Variants in CNOT4 observed in about 807,000 individuals in gnomAD.
CNOT4 encodes the protein CCR4-NOT transcription complex subunit 4.
In CNOT4, 8 loss-of-function variants were observed where a neutral mutation model predicts 73.8. That is an observed-to-expected ratio of 0.11 (90% CI 0.06 to 0.20). CNOT4 has a LOEUF of 0.20. CNOT4 is among the 10% of genes least tolerant of loss of function. The pLI is 1.00. For synonymous variants in CNOT4, 293 were observed against 321.1 expected, an observed-to-expected ratio of 0.91 and a Z score of 0.94; for missense variants, 564 against 883.4, an observed-to-expected ratio of 0.64 and a Z score of 4.58.
rs186105694 is a variant in CNOT4 at position 135,368,486 on chromosome 7, T to C, written c.1628-4420A>G. The stretch of plus-strand genomic sequence containing the variant: ...TAGACAGTGGGACAATGAAAATAAA[T>C]GAAAAGTTCAACAACTACATCTGAA... On this transcript the variant is annotated intron_variant, in intron 10 of 11. Transcript: ENST00000541284. Among the ~76,000 whole-genome samples, 1,137 of 152,210 alleles carry C rather than the reference T, an allele frequency of 7.5e-3. 8 individuals carry two copies. Among genetic ancestry groups the C allele is most frequent in the Non-Finnish European group, 0.012 (832 of 68,004 alleles).
At chr7:135,368,040 C>T (rs993430556) in intron 10 of CNOT4, among the ~76,000 whole-genome samples, 1 of 151,908 alleles carries the variant, frequency 6.6e-6, no homozygotes, top group African/African-American at 2.4e-5. Context: ...AATTTGAGGG[C>T]AGGAAAGGGG....
intron 1 of CNOT4, among the ~76,000 whole-genome samples, chr7:135,487,829 G>A (rs1216578994): frequency 2.6e-5 from 4 of 152,114 alleles, no homozygotes; most frequent in Admixed American, 6.6e-5. Context: ...CAAGGCAGGC[G>A]GATCACGAGG....
At chr7:135,408,300 C>T (rs1797405463) in intron 7 of CNOT4, among the ~76,000 whole-genome samples, 1 of 152,014 alleles carries the variant, frequency 6.6e-6, no homozygotes, top group Admixed American at 6.6e-5. Flanking sequence ...TAGTGAAATA[C>T]TACATAGCCA....
intron 10 of CNOT4, among the ~76,000 whole-genome samples, chr7:135,378,386 C>T (rs1006624010): frequency 6.6e-6 from 1 of 152,034 alleles, no homozygotes; most frequent in Non-Finnish European, 1.5e-5. Context: ...TGCCTGTAAT[C>T]CCAGCTATTT....
chr7:135,387,245 A>G (rs1338864135), intron 10 of CNOT4: 2 of 984,854 alleles, frequency 2.0e-6, no homozygotes, highest in Non-Finnish European at 2.4e-6. Context: ...GAAATTAGAG[A>G]TTGATGTTTA....
At chr7:135,383,804 T>TC (rs1795968316) in intron 10 of CNOT4, among the ~76,000 whole-genome samples, 1 of 152,188 alleles carries the variant, frequency 6.6e-6, no homozygotes, top group African/African-American at 2.4e-5. Flanking sequence ...CTAAAATCAT[T>TC]CAACTCCCTT....
intron 2 of CNOT4, among the ~76,000 whole-genome samples, chr7:135,429,000 C>A (rs1338883092): frequency 6.6e-6 from 1 of 152,142 alleles, no homozygotes; most frequent in African/African-American, 2.4e-5. Context: ...CACATACACA[C>A]ACACATCTTG....
intron 1 of CNOT4, among the ~76,000 whole-genome samples, chr7:135,453,027 GA>G (rs35042483): frequency 6.6e-6 from 1 of 152,102 alleles, no homozygotes; most frequent in Non-Finnish European, 1.5e-5. Flanking sequence ...TTATTTGGGG[GA>G]AAAAGTATCT....
At chr7:135,397,436 AT>A (rs1352772268) in intron 8 of CNOT4, among the ~76,000 whole-genome samples, 1 of 152,174 alleles carries the variant, frequency 6.6e-6, no homozygotes, top group Non-Finnish European at 1.5e-5. Flanking sequence ...AGATTTCCAC[AT>A]TCTTTTACAA....
At chr7:135,483,252 T>C (rs113200552) in intron 1 of CNOT4, among the ~76,000 whole-genome samples, 3,031 of 151,338 alleles carry the variant, frequency 0.02, 111 homozygotes, top group African/African-American at 0.07. Flanking sequence ...GTGGGAAGAT[T>C]GCTTGATCCC....
At chr7:135,375,556 A>G (rs960889733) in intron 10 of CNOT4, among the ~76,000 whole-genome samples, 2 of 152,202 alleles carry the variant, frequency 1.3e-5, no homozygotes, top group Non-Finnish European at 2.9e-5. Flanking sequence ...AGATTTACCA[A>G]TATTTATATA....
At chr7:135,466,894 G>A (rs954366876) in intron 1 of CNOT4, among the ~76,000 whole-genome samples, 3 of 152,182 alleles carry the variant, frequency 2.0e-5, no homozygotes, top group African/African-American at 7.2e-5. Flanking sequence ...ACAGTAGGCT[G>A]CACCATCTAG....
Position 135,422,205 on chromosome 7 carries a change from T to C in CNOT4, c.323A>G (p.Lys108Arg). ...TAAACCTACAACAAAGACGAGGTTT[T>C]TTTGTACGACACGTACACTAGCCAA... The part of the protein sequence containing the change: ...KHLASVRVVQ[K>R]NLVFVVGLSQ... The change falls in exon 3 of 12, where the codon AAA becomes AGA. Residue 108 changes from lysine to arginine, a missense_variant. Around this residue, in one of 10 missense-constraint regions of CNOT4, gnomAD observed 76 missense variants for 208.7 expected, o/e 0.36. Coordinates refer to ENST00000541284, the MANE Select transcript of CNOT4 (RefSeq NM_001190850.2). The C allele has an allele frequency of 1.2e-6, 2 of 1,612,872 alleles. No homozygotes were observed. The highest frequency in any genetic ancestry group is 1.3e-5 in the African/African-American group (1 of 75,000).
At chr7:135,474,196 T>C (rs901514377) in intron 1 of CNOT4, among the ~76,000 whole-genome samples, 75 of 151,666 alleles carry the variant, frequency 4.9e-4, no homozygotes, top group Non-Finnish European at 9.6e-4. Context: ...GCCAGGCTGG[T>C]CTTGAACTCT....
At chr7:135,370,798 T>G (rs1222729842) in intron 10 of CNOT4, among the ~76,000 whole-genome samples, 1 of 152,220 alleles carries the variant, frequency 6.6e-6, no homozygotes, top group Non-Finnish European at 1.5e-5. Flanking sequence ...GCTTTCTGAA[T>G]GCAGGAGGAG....
intron 1 of CNOT4, among the ~76,000 whole-genome samples, chr7:135,441,522 T>A (rs958534050): frequency 1.3e-5 from 2 of 152,150 alleles, no homozygotes; most frequent in African/African-American, 4.8e-5. Context: ...CCCAAAACTG[T>A]ACCTGTAGAA....
At position 135,453,801 on chromosome 7, in the gene CNOT4, AATAT is replaced by A. The variant is rs549798684; in HGVS notation, c.-92-15382_-92-15379del. 8.5e-3 allele frequency among the ~76,000 whole-genome samples: 1,125 copies of A among 132,562 alleles called. 19 individuals carry two copies. The highest frequency in any genetic ancestry group is 0.031 in the African/African-American group (1,072 of 34,990). 87.0% of individuals were successfully genotyped at this position (132,562 alleles called of 152,430 possible). The stretch of plus-strand genomic sequence containing the variant: ...GGATACAAAAATATTTTTATATATA[AATAT>A]ATATAATAAATATATATATTTTATA... On this transcript the variant is annotated intron_variant, in intron 1 of 11. Coordinates refer to ENST00000541284, the MANE Select transcript of CNOT4 (RefSeq NM_001190850.2).
chr7:135,437,173 G>A (rs1251786226), intron 2 of CNOT4, among the ~76,000 whole-genome samples: 2 of 151,326 alleles, frequency 1.3e-5, no homozygotes, highest in African/African-American at 4.8e-5. Context: ...TTAGAGTTAG[G>A]AGGGGCTTTT....
At chr7:135,381,320 T>C (rs551833445) in intron 10 of CNOT4, among the ~76,000 whole-genome samples, 2 of 152,278 alleles carry the variant, frequency 1.3e-5, no homozygotes, top group African/African-American at 4.8e-5. Flanking sequence ...AGGCTTATGG[T>C]TTACCTTTGC....
Sources: gnomAD v4.1 joint callset for allele counts (sites outside exome capture counted in the v4.1 genomes callset) on GRCh38, gnomAD v4.1.1 for gene constraint, gnomAD v4.1.1 regional missense constraint, MANE v1.5 for transcripts, NCBI Gene and HGNC (gene_info 2026-07-23, HGNC 2026-07-21) for gene names.